ZNF618: variants seen among roughly 807,000 people sequenced by gnomAD.
ZNF618 encodes the protein zinc finger protein 618.
Under a neutral mutation model 103.0 loss-of-function variants are expected in ZNF618, and 34 were observed. The observed-to-expected ratio is 0.33, with a 90% confidence interval of 0.25 to 0.44. The LOEUF (loss-of-function observed/expected upper bound fraction) is 0.44, where lower values mean the gene tolerates loss of function less well. ZNF618 is among the 20% of genes least tolerant of loss of function. The pLI, the probability that ZNF618 is intolerant of heterozygous loss-of-function variation, is 1.00. For synonymous variants in ZNF618, 551 were observed against 542.2 expected, an observed-to-expected ratio of 1.02 and a Z score of -0.23; for missense variants, 1,059 against 1,295.4, an observed-to-expected ratio of 0.82 and a Z score of 2.80.
chr9:113,896,826 T>C (rs893273625), intron 1 of ZNF618, among the ~76,000 whole-genome samples: 2 of 152,158 alleles, frequency 1.3e-5, no homozygotes, highest in African/African-American at 4.8e-5. Context: ...TGCTACATTT[T>C]ATTATGGGTT....
intron 12 of ZNF618, chr9:114,035,215 A>G: frequency 1.0e-6 from 1 of 985,944 alleles, no homozygotes; most frequent in Non-Finnish European, 1.2e-6. Flanking sequence ...CTGATTTCCA[A>G]CCCTTTCCCT....
chr9:114,043,565 A>C (rs1456814751), intron 13 of ZNF618, among the ~76,000 whole-genome samples: 1 of 152,236 alleles, frequency 6.6e-6, no homozygotes, highest in East Asian at 1.9e-4. Context: ...AGATATACCT[A>C]GTAATGGGAT....
intron 2 of ZNF618, among the ~76,000 whole-genome samples, chr9:113,987,815 T>C (rs1045598987): frequency 6.6e-6 from 1 of 152,092 alleles, no homozygotes; most frequent in Non-Finnish European, 1.5e-5. Flanking sequence ...CTGCGCAACA[T>C]AGTGAGACCC....
chr9:113,926,155 T>G (rs1441231747), intron 1 of ZNF618, among the ~76,000 whole-genome samples: 2 of 151,602 alleles, frequency 1.3e-5, no homozygotes, highest in African/African-American at 2.4e-5. Flanking sequence ...TGGTGTTGTT[T>G]TTTTTTTTTT....
chr9:113,949,032 T>G (rs1835303260), intron 1 of ZNF618, among the ~76,000 whole-genome samples: 1 of 152,208 alleles, frequency 6.6e-6, no homozygotes, highest in African/African-American at 2.4e-5. Flanking sequence ...GCCTGTAAGT[T>G]TCAGAGATGA....
chr9:113,927,997 T>G (rs1385469810), intron 1 of ZNF618, among the ~76,000 whole-genome samples: 1 of 152,210 alleles, frequency 6.6e-6, no homozygotes, highest in Non-Finnish European at 1.5e-5. Flanking sequence ...TCTAAAAAGT[T>G]GTTTAGTTTC....
chr9:114,019,584 A>G (rs1274912606), intron 10 of ZNF618, among the ~76,000 whole-genome samples: 4 of 152,204 alleles, frequency 2.6e-5, no homozygotes, highest in Admixed American at 6.5e-5. Context: ...TATTTTCCTG[A>G]TAACTAATGA....
At chr9:114,019,580 C>A in intron 10 of ZNF618, among the ~76,000 whole-genome samples, 1 of 152,198 alleles carries the variant, frequency 6.6e-6, no homozygotes, top group Admixed American at 6.5e-5. Context: ...TTTGTATTTT[C>A]CTGATAACTA....
intron 1 of ZNF618, among the ~76,000 whole-genome samples, chr9:113,939,788 C>T (rs1172514015): frequency 6.6e-6 from 1 of 152,008 alleles, no homozygotes; most frequent in African/African-American, 2.4e-5. Flanking sequence ...CTCCTTCCCT[C>T]CCTCTGATTC....
rs1564207159 is a variant in ZNF618 at position 113,951,458 on chromosome 9, T to TACATATATATGTGTATATATGTAC, written c.34-17651_34-17650insATGTGTATATATGTACACATATAT. On this transcript the variant is annotated intron_variant, in intron 1 of 14. Coordinates refer to ENST00000374126, the MANE Select transcript of ZNF618 (RefSeq NM_001318042.2). ...ATATATATACATATATGTGTATATA[T>TACATATATATGTGTATATATGTAC]ACATATATGTGTGTATGTGTACACA... is the stretch of plus-strand genomic sequence containing the variant. 6.9e-4 allele frequency among the ~76,000 whole-genome samples: 38 copies of TACATATATATGTGTATATATGTAC among 54,696 alleles called. 2 individuals carry two copies. Among genetic ancestry groups the TACATATATATGTGTATATATGTAC allele is most frequent in the African/African-American group, 1.2e-3 (21 of 17,568 alleles). 35.9% of individuals were successfully genotyped at this position (54,696 alleles called of 152,430 possible).
intron 1 of ZNF618, among the ~76,000 whole-genome samples, chr9:113,927,147 A>G (rs765925943): frequency 2.6e-5 from 4 of 152,222 alleles, no homozygotes; most frequent in Non-Finnish European, 2.9e-5. Context: ...AAAGCTGGAC[A>G]TGTTGTATCT....
intron 1 of ZNF618, among the ~76,000 whole-genome samples, chr9:113,946,156 C>T (rs1418894398): frequency 1.3e-5 from 2 of 152,168 alleles, no homozygotes; most frequent in African/African-American, 2.4e-5. Flanking sequence ...TGGCGCTCTG[C>T]GGAGCCCCCT....
intron 1 of ZNF618, among the ~76,000 whole-genome samples, chr9:113,965,902 G>A (rs1034907609): frequency 6.6e-6 from 1 of 152,180 alleles, no homozygotes; most frequent in Non-Finnish European, 1.5e-5. Flanking sequence ...TGGCTGCACC[G>A]TTGGAGAAGG....
chr9:113,972,187 A>G (rs977740106), intron 2 of ZNF618, among the ~76,000 whole-genome samples: 2 of 152,062 alleles, frequency 1.3e-5, no homozygotes, highest in South Asian at 2.1e-4. Flanking sequence ...AGCTGGGACT[A>G]CAGGCATGCA....
intron 9 of ZNF618, among the ~76,000 whole-genome samples, chr9:114,012,657 A>G (rs975950591): frequency 6.6e-6 from 1 of 152,258 alleles, no homozygotes; most frequent in African/African-American, 2.4e-5. Context: ...AGAAAACGTA[A>G]GAACAGAATT....
At chr9:113,992,599 C>A (rs1203982407) in intron 3 of ZNF618, among the ~76,000 whole-genome samples, 2 of 152,152 alleles carry the variant, frequency 1.3e-5, no homozygotes, top group African/African-American at 2.4e-5. Flanking sequence ...ACTTCGCTAA[C>A]CCAGCCTCGC....
At chr9:113,911,896 TTG>T (rs1831583755) in intron 1 of ZNF618, among the ~76,000 whole-genome samples, 1 of 152,168 alleles carries the variant, frequency 6.6e-6, no homozygotes, top group Non-Finnish European at 1.5e-5. Context: ...ATGTTTTAGA[TTG>T]TTTCTCAGAC....
chr9:114,027,091 C>T lies in ZNF618; in HGVS notation c.845-1642C>T, dbSNP rs186215516. ...GTGCCTATTGCAACATTGAATGTGT[C>T]GGTTCATTCTGTGGGTTAAAAAAAA... is the stretch of plus-strand genomic sequence containing the variant. On this transcript the variant is annotated intron_variant, in intron 10 of 14. Coordinates refer to ENST00000374126, the MANE Select transcript of ZNF618 (RefSeq NM_001318042.2). Among the ~76,000 whole-genome samples, 167 of 151,996 alleles carry T rather than the reference C, an allele frequency of 1.1e-3. 1 individual carries two copies. Among genetic ancestry groups the T allele is most frequent in the African/African-American group, 3.8e-3 (158 of 41,424 alleles).
chr9:113,895,024 A>C (rs1168781427), intron 1 of ZNF618, among the ~76,000 whole-genome samples: 6 of 152,140 alleles, frequency 3.9e-5, no homozygotes, highest in Non-Finnish European at 8.8e-5. Flanking sequence ...TTCTTTTCTT[A>C]GTGAGAAGGA....
Sources: gnomAD v4.1 joint callset for allele counts (sites outside exome capture counted in the v4.1 genomes callset) on GRCh38, gnomAD v4.1.1 for gene constraint, MANE v1.5 for transcripts, NCBI Gene and HGNC (gene_info 2026-07-23, HGNC 2026-07-21) for gene names.